The following GABRG1 variants were observed in gnomAD, a reference collection of about 807,000 sequenced individuals.
GABRG1 encodes gamma-aminobutyric acid type A receptor subunit gamma1.
In GABRG1, 49 loss-of-function variants were observed where a neutral mutation model predicts 49.8. The ratio of observed to expected loss-of-function variants is 0.98; its 90% CI spans 0.78 to 1.25. GABRG1 has a LOEUF of 1.25. GABRG1 is among the 50% of genes most tolerant of loss of function. The probability of loss-of-function intolerance (pLI) is 0.00; values close to 1 mark genes in which losing one functional copy is unlikely to be tolerated. For missense variants in GABRG1, 552 were observed against 552.3 expected, an observed-to-expected ratio of 1.00 and a Z score of 0.01; for synonymous variants, 232 against 185.1, an observed-to-expected ratio of 1.25 and a Z score of -2.06.
chr4:46,093,628 A>G (rs972255915), intron 2 of GABRG1, among the ~76,000 whole-genome samples: 17 of 152,028 alleles, frequency 1.1e-4, no homozygotes, highest in African/African-American at 3.1e-4. Flanking sequence ...GAAATGATAA[A>G]TACTCGAGGT....
chr4:46,079,601 C>G (rs770096353), intron 3 of GABRG1, among the ~76,000 whole-genome samples: 3 of 151,848 alleles, frequency 2.0e-5, no homozygotes, highest in Non-Finnish European at 4.4e-5. Flanking sequence ...TAAGGGTATA[C>G]CAGTTCCTAC....
chr4:46,080,971 T>C (rs556331882), intron 3 of GABRG1, among the ~76,000 whole-genome samples: 2 of 151,940 alleles, frequency 1.3e-5, no homozygotes, highest in African/African-American at 4.8e-5. Flanking sequence ...ATATTAAAAG[T>C]TTTCTGTTTG....
chr4:46,082,180 G>A (rs1459571287), intron 3 of GABRG1, among the ~76,000 whole-genome samples: 1 of 151,646 alleles, frequency 6.6e-6, no homozygotes, highest in African/African-American at 2.4e-5. Flanking sequence ...GCTCATATTG[G>A]CATTGTTAAT....
chr4:46,114,082 G>C (rs1720804790), intron 1 of GABRG1, among the ~76,000 whole-genome samples: 1 of 150,930 alleles, frequency 6.6e-6, no homozygotes, highest in Non-Finnish European at 1.5e-5. Context: ...CTTCATGTTT[G>C]AGCTACTAAA....
intron 2 of GABRG1, among the ~76,000 whole-genome samples, chr4:46,091,746 A>T (rs766090371): frequency 1.3e-5 from 2 of 152,056 alleles, no homozygotes; most frequent in African/African-American, 4.8e-5. Flanking sequence ...AGAGAAATTG[A>T]GACAGAAGAA....
chr4:46,105,469 C>T (rs1720504612), intron 1 of GABRG1, among the ~76,000 whole-genome samples: 1 of 151,082 alleles, frequency 6.6e-6, no homozygotes, highest in Admixed American at 6.6e-5. Flanking sequence ...ATCTTGGCTG[C>T]CTGTACATTT....
chr4:46,109,401 C>T (rs201440809), intron 1 of GABRG1, among the ~76,000 whole-genome samples: 1 of 150,622 alleles, frequency 6.6e-6, no homozygotes, highest in Admixed American at 6.6e-5. Flanking sequence ...TTATTTGGAT[C>T]TTCTCTCTCT....
intron 8 of GABRG1, among the ~76,000 whole-genome samples, chr4:46,045,888 A>T (rs1717979272): frequency 6.6e-6 from 1 of 152,046 alleles, no homozygotes; most frequent in Non-Finnish European, 1.5e-5. Flanking sequence ...AGTAAGTTAA[A>T]ATACTGAGAA....
rs908663823 is a variant in GABRG1 at position 46,090,746 on chromosome 4, A to G, written c.253+6455T>C. Among the ~76,000 whole-genome samples the G allele has an allele frequency of 2.6e-5, 4 of 152,006 alleles. No homozygotes were observed. In the East Asian group the frequency reaches 7.8e-4, roughly 30 times the overall value. ...TTTGATGTAACAATTCCCTGAAGATAATGAAAATGACGTGAGTTCTACATT... is the reference window on the plus strand; with the variant it reads ...TTTGATGTAACAATTCCCTGAAGATGATGAAAATGACGTGAGTTCTACATT... On this transcript the variant is annotated intron_variant, in intron 2 of 8. Transcript: ENST00000295452.
At position 46,041,161 on chromosome 4, in the gene GABRG1, C is replaced by T; in HGVS notation, c.1225G>A (p.Gly409Ser). The T allele has an allele frequency of 6.2e-7, 1 of 1,613,024 alleles. No individual in the cohort carries two copies. Among genetic ancestry groups the T allele is most frequent in the Non-Finnish European group, 8.5e-7 (1 of 1,179,360 alleles). ...EDDYGYQCLE[G>S]KDCASFFCCF... Reference sequence around the variant, plus strand: ...CAGAAGAAGCTGGCACAATCTTTGCCCTCCAAACACTGATACCCATAATCA... The same window carrying T: ...CAGAAGAAGCTGGCACAATCTTTGCTCTCCAAACACTGATACCCATAATCA... The change falls in exon 9 of 9, where the codon GGC becomes AGC. Residue 409 changes from glycine to serine, a missense_variant. Physicochemically the swap from Gly to Ser is moderately conservative, Grantham distance 56. Coordinates refer to ENST00000295452, the MANE Select transcript of GABRG1 (RefSeq NM_173536.4).
At chr4:46,049,505 A>G (rs1487117324) in intron 8 of GABRG1, among the ~76,000 whole-genome samples, 2 of 152,084 alleles carry the variant, frequency 1.3e-5, no homozygotes, top group East Asian at 3.9e-4. Context: ...TCAAGTAGTC[A>G]ATTATAATAT....
At chr4:46,098,316 T>G (rs1720257417) in intron 1 of GABRG1, among the ~76,000 whole-genome samples, 1 of 151,746 alleles carries the variant, frequency 6.6e-6, no homozygotes, top group Non-Finnish European at 1.5e-5. Context: ...AGTAAGGTCA[T>G]TCTAGACTTA....
chr4:46,113,038 T>G (rs1337124995), intron 1 of GABRG1, among the ~76,000 whole-genome samples: 1 of 151,174 alleles, frequency 6.6e-6, no homozygotes, highest in Non-Finnish European at 1.5e-5. Context: ...TTGGCATGAC[T>G]GAAAGCTTCA....
At chr4:46,066,369 C>A (rs1577643870) in intron 3 of GABRG1, among the ~76,000 whole-genome samples, 2 of 152,296 alleles carry the variant, frequency 1.3e-5, no homozygotes, top group East Asian at 3.9e-4. Flanking sequence ...AACTAACTTA[C>A]TGAGCAATTA....
rs769081092 is a variant in GABRG1, at chr4:46,058,640, A to G, written c.626-18T>C. 11 of 1,599,538 alleles carry G rather than the reference A, an allele frequency of 6.9e-6. No individual in the cohort carries two copies. The South Asian group carries it at 8.9e-5, about 13-fold the overall frequency. On this transcript the variant is annotated intron_variant, in intron 5 of 8. Transcript: ENST00000295452. ...GTATCCATCTATAGAGAAAAAATAC[A>G]TAGATTAGCAAGATCCAAATTTGAT...
In GABRG1 at chr4:46,038,883, T is replaced by G. The variant is rs548956410; in HGVS notation, c.*2105A>C. ...TTGTCAACATTTAAAACCAAGTTAA[T>G]GAAACACCAGTGAGAAAATCAAAGC... On this transcript the variant is annotated 3_prime_UTR_variant, in exon 9 of 9. Coordinates refer to ENST00000295452, the MANE Select transcript of GABRG1 (RefSeq NM_173536.4). 1 of 151,676 alleles carries G rather than the reference T, an allele frequency of 6.6e-6. No individual in the cohort carries two copies. The highest frequency in any genetic ancestry group is 2.4e-5 in the African/African-American group (1 of 41,404). The allele number at this position is 151,676 out of a possible 1,614,324, so 9.4% of individuals were successfully genotyped here.
chr4:46,086,929 A>C (rs2109424654), intron 2 of GABRG1, among the ~76,000 whole-genome samples: 1 of 145,694 alleles, frequency 6.9e-6, no homozygotes, highest in African/African-American at 2.6e-5. Flanking sequence ...AAGGAATAAA[A>C]GAATGGCTAC....
At chr4:46,061,742 A>G (rs544559979) in intron 5 of GABRG1, among the ~76,000 whole-genome samples, 2 of 151,832 alleles carry the variant, frequency 1.3e-5, no homozygotes, top group East Asian at 3.9e-4. Context: ...AACCACCACT[A>G]CACAGCTACA....
At chr4:46,077,713 C>T (rs1015107722) in intron 3 of GABRG1, among the ~76,000 whole-genome samples, 5 of 151,760 alleles carry the variant, frequency 3.3e-5, no homozygotes, top group African/African-American at 1.2e-4. Context: ...GAAAGGATGA[C>T]ATATCTTTTC....
Sources: gnomAD v4.1 joint callset for allele counts (sites outside exome capture counted in the v4.1 genomes callset) on GRCh38, gnomAD v4.1.1 for gene constraint, MANE v1.5 for transcripts, NCBI Gene and HGNC (gene_info 2026-07-23, HGNC 2026-07-21) for gene names.